The following TLX3 variants were observed in gnomAD, a reference collection of about 807,000 sequenced individuals.
TLX3 encodes T cell leukemia homeobox 3.
A neutral mutation model predicts 19.6 loss-of-function variants in TLX3; 11 were observed. That is an observed-to-expected ratio of 0.56 (90% confidence interval 0.35 to 0.93). The LOEUF (loss-of-function observed/expected upper bound fraction) is 0.93. Ranked by LOEUF, TLX3 falls within the 40% of genes least tolerant of loss-of-function variation. The pLI is 0.01. For synonymous variants in TLX3, 221 were observed against 188.1 expected, an observed-to-expected ratio of 1.17 and a Z score of -1.43; for missense variants, 375 against 418.6, an observed-to-expected ratio of 0.90 and a Z score of 0.91.
chr5:171,309,977 G>A (rs1769193233), intron 1 of TLX3, among the ~76,000 whole-genome samples, 173 bp from the exon 2 acceptor site: 1 of 152,264 alleles, frequency 6.6e-6, no homozygotes, highest in South Asian at 2.1e-4. Context: ...CGTGCCCGGG[G>A]GAAGGGACAG....
chr5:171,311,524 A>C lies in TLX3; in HGVS notation c.801A>C (p.Ser267=). 1 of 1,613,050 alleles carries C rather than the reference A, an allele frequency of 6.2e-7. No individual in the cohort carries two copies. The highest frequency in any genetic ancestry group is 8.5e-7 in the Non-Finnish European group (1 of 1,179,624). ...ACCCGCTCTGTCTGCACAACTCGTC[A>C]CTCTTTGCTCTGCAGAATCTGCAGC... ...QPDPLCLHNS[S]LFALQNLQPW... The change falls in exon 3 of 3, where the codon TCA becomes TCC. Residue 267 remains serine (S), a synonymous_variant. Coordinates refer to ENST00000296921, the MANE Select transcript of TLX3 (RefSeq NM_021025.4). The surrounding 1 kb of genome is among the most constrained non-coding windows in gnomAD (Gnocchi z 5.1).
At position 171,311,513 on chromosome 5, in the gene TLX3, C is replaced by G; in HGVS notation, c.790C>G (p.His264Asp). 6.2e-7 allele frequency: 1 copy of G among 1,613,486 alleles called. No individual in the cohort carries two copies. The highest frequency in any genetic ancestry group is 1.7e-5 in the Admixed American group (1 of 60,000). The change falls in exon 3 of 3, where the codon CAC (histidine) becomes GAC (aspartate). Residue 264 changes from histidine (H) to aspartate (D), a missense_variant. Physicochemically the swap from His to Asp is moderately conservative, Grantham distance 81 (BLOSUM62 -1). Transcript: ENST00000296921. This position sits in a 1 kb window ranked among gnomAD's most constrained non-coding sequence, Gnocchi z 5.1. ...CATCCAGCCTGACCCGCTCTGTCTGCACAACTCGTCACTCTTTGCTCTGCA... is the reference window on the plus strand; with the variant it reads ...CATCCAGCCTGACCCGCTCTGTCTGGACAACTCGTCACTCTTTGCTCTGCA... ...DSIQPDPLCL[H>D]NSSLFALQNL...
Position 171,309,597 on chromosome 5 carries a change from G to A in TLX3, c.232G>A (p.Val78Met). 6.2e-7 allele frequency: 1 copy of A among 1,605,438 alleles called. No homozygotes were observed. Among genetic ancestry groups the A allele is most frequent in the Non-Finnish European group, 8.5e-7 (1 of 1,176,958 alleles). The change falls in exon 1 of 3, where the codon GTG (valine) becomes ATG (methionine). Residue 78 changes from valine to methionine, a missense_variant. Around this residue, in one of 3 missense-constraint regions of TLX3, gnomAD observed 239 missense variants for 217.0 expected, o/e 1.10. Coordinates refer to ENST00000296921, the MANE Select transcript of TLX3 (RefSeq NM_021025.4). ...APFEDAGSYS[V>M]NLSLAPAGVI... ...CTTCGAGGACGCGGGATCTTACAGTGTGAACCTGAGCCTAGCGCCCGCAGG... is the reference window on the plus strand; with the variant it reads ...CTTCGAGGACGCGGGATCTTACAGTATGAACCTGAGCCTAGCGCCCGCAGG...
At chr5:171,310,531 C>A in intron 2 of TLX3, 138 bp downstream of exon 2, 6 of 1,111,882 alleles carry the variant, frequency 5.4e-6, no homozygotes, top group Middle Eastern at 3.1e-4. Context: ...CACCCCCACC[C>A]CGCCTTCGCA....
At chr5:171,309,855 G>A (rs780706447) in intron 1 of TLX3, 69 bp downstream of exon 1, 8 of 1,471,652 alleles carry the variant, frequency 5.4e-6, no homozygotes, top group South Asian at 2.8e-5. Flanking sequence ...CGCCCTGTGC[G>A]CTCCACTCCC....
chr5:171,309,400 C>G lies in TLX3; in HGVS notation c.35C>G (p.Pro12Arg). ...CCCGCCAGCGCGCAGACCCCGCACC[C>G]GCACGAGCCCATCAGCTTCGGCATC... ...EAPASAQTPH[P>R]HEPISFGIDQ... The change falls in exon 1 of 3, where the codon CCG becomes CGG. Residue 12 changes from proline to arginine, a missense_variant. Transcript: ENST00000296921. 1 of 1,605,426 alleles carries G rather than the reference C, an allele frequency of 6.2e-7. No individual in the cohort carries two copies. The highest frequency in any genetic ancestry group is 8.5e-7 in the Non-Finnish European group (1 of 1,176,956).
Position 171,309,638 on chromosome 5 carries a change from G to C in TLX3, c.273G>C (p.Pro91=). ...CGCCCGCAGGCGTGATCCGGGTGCC[G>C]GCGCACAGGCCGCTGCCCGGGGCCG... ...SLAPAGVIRV[P]AHRPLPGAVP... Residue 91 remains proline, a synonymous_variant, in exon 1 of 3, where the codon CCG becomes CCC. Transcript: ENST00000296921. 2 of 1,607,960 alleles carry C rather than the reference G, an allele frequency of 1.2e-6. No homozygotes were observed. Among genetic ancestry groups the C allele is most frequent in the African/African-American group, 1.3e-5 (1 of 74,908 alleles).
At chr5:171,310,500 C>A in intron 2 of TLX3, 107 bp downstream of exon 2, 2 of 1,383,310 alleles carry the variant, frequency 1.4e-6, no homozygotes, top group South Asian at 2.9e-5. Flanking sequence ...TACCCCCGCC[C>A]CCCTCTGCCT....
rs1352503916 is a variant in TLX3, at chr5:171,309,437, T to C, written c.72T>C (p.Leu24=). ...TCAGCTTCGGCATCGACCAGATCCT[T>C]AACAGCCCGGACCAGGACAGCGCAC... is the stretch of plus-strand genomic sequence containing the variant. The part of the protein sequence containing the change: ...EPISFGIDQI[L]NSPDQDSAPA... Residue 24 remains leucine (L), a synonymous_variant, in exon 1 of 3, where the codon CTT becomes CTC. Transcript: ENST00000296921. 4 of 1,606,538 alleles carry C rather than the reference T, an allele frequency of 2.5e-6. No homozygotes were observed. Among genetic ancestry groups the C allele is most frequent in the Non-Finnish European group, 3.4e-6 (4 of 1,177,086 alleles).
chr5:171,310,514 C>G, intron 2 of TLX3, 121 bp downstream of exon 2: 2 of 1,253,752 alleles, frequency 1.6e-6, no homozygotes, highest in Non-Finnish European at 2.2e-6. Flanking sequence ...TCTGCCTCCC[C>G]CAAACACACC....
rs377238140 is a variant in TLX3, at chr5:171,309,800, G to A, written c.421+14G>A. ...ACCGCTTCACAGGTGAGCAGAGCTG[G>A]CGACCAGGCTCCAGGCCTCCGCCCT... On this transcript the variant is annotated intron_variant, in intron 1 of 2. Coordinates refer to ENST00000296921, the MANE Select transcript of TLX3 (RefSeq NM_021025.4). The A allele has an allele frequency of 6.3e-7, 1 of 1,575,438 alleles. No individual in the cohort carries two copies. The highest frequency in any genetic ancestry group is 8.6e-7 in the Non-Finnish European group (1 of 1,160,598).
rs755762572 is a variant in TLX3, at chr5:171,311,440, C to T, written c.717C>T (p.Leu239=). 4.4e-5 allele frequency: 69 copies of T among 1,583,388 alleles called. No individual in the cohort carries two copies. Among genetic ancestry groups the T allele is most frequent in the South Asian group, 6.9e-5 (6 of 86,942 alleles). ...REAERQQASR[L]MLQLQHDAFQ... is the part of the protein sequence containing the mutation. ...CGGAGCGGCAGCAGGCGAGCCGGCT[C>T]ATGCTGCAGCTGCAACACGACGCCT... is the stretch of plus-strand genomic sequence containing the variant. The change falls in exon 3 of 3, where the codon CTC becomes CTT. Residue 239 remains leucine, a synonymous_variant. Transcript: ENST00000296921. This position sits in a 1 kb window ranked among gnomAD's most constrained non-coding sequence, Gnocchi z 5.1.
In TLX3 at chr5:171,311,368, C is replaced by G; in HGVS notation, c.666-21C>G. ...GTGCCGGGTGCATGACGGTACTGTCCCTCTCCCTCCCCCGGTGCAGGCGGC... is the reference window on the plus strand; with the variant it reads ...GTGCCGGGTGCATGACGGTACTGTCGCTCTCCCTCCCCCGGTGCAGGCGGC... On this transcript the variant is annotated intron_variant, in intron 2 of 2. Coordinates refer to ENST00000296921, the MANE Select transcript of TLX3 (RefSeq NM_021025.4). This position sits in a 1 kb window ranked among gnomAD's most constrained non-coding sequence, Gnocchi z 5.1. The G allele has an allele frequency of 1.3e-6, 2 of 1,547,394 alleles. No individual in the cohort carries two copies. Among genetic ancestry groups the G allele is most frequent in the Non-Finnish European group, 1.7e-6 (2 of 1,146,066 alleles).
rs879609415 is a variant in TLX3, at chr5:171,312,071, CTCT to C, written c.*480_*482del. 30 of 187,086 alleles carry C rather than the reference CTCT, an allele frequency of 1.6e-4. 1 individual carries two copies. Among genetic ancestry groups the C allele is most frequent in the South Asian group, 1.6e-3 (8 of 5,114 alleles). 11.6% of individuals were successfully genotyped at this position (187,086 alleles called of 1,614,324 possible). On this transcript the variant is annotated 3_prime_UTR_variant, in exon 3 of 3. Coordinates refer to ENST00000296921, the MANE Select transcript of TLX3 (RefSeq NM_021025.4). ...GCACCCTGCGTTTAGGCTGGGTCCA[CTCT>C]TCTTCTTTTCCGTTCCTTTTATTTA...
chr5:171,310,493 C>T (rs1307084825), intron 2 of TLX3, 100 bp downstream of exon 2: 1 of 1,423,684 alleles, frequency 7.0e-7, no homozygotes, highest in Non-Finnish European at 9.4e-7. Context: ...TATCCACTAC[C>T]CCCGCCCCCC....
Position 171,311,615 on chromosome 5 carries a change from C to T in TLX3, c.*16C>T. On this transcript the variant is annotated 3_prime_UTR_variant, in exon 3 of 3. Coordinates refer to ENST00000296921, the MANE Select transcript of TLX3 (RefSeq NM_021025.4). The surrounding 1 kb of genome is among the most constrained non-coding windows in gnomAD (Gnocchi z 5.1). ...CCTGGTGTGAGCCCACCAGCGCGCACCGTCGCCACGGATCGCCGCCCCCAC... is the reference window on the plus strand; with the variant it reads ...CCTGGTGTGAGCCCACCAGCGCGCATCGTCGCCACGGATCGCCGCCCCCAC... The T allele has an allele frequency of 1.3e-6, 2 of 1,586,922 alleles. No individual in the cohort carries two copies. The highest frequency in any genetic ancestry group is 2.7e-5 in the African/African-American group (2 of 73,276).
chr5:171,309,557 G>A lies in TLX3; in HGVS notation c.192G>A (p.Ala64=). ...ATYPSLPASF[A]GLGAPFEDAG... ...ACCCGTCTCTGCCCGCCTCCTTTGC[G>A]GGCCTCGGCGCGCCCTTCGAGGACG... Residue 64 remains alanine, a synonymous_variant, in exon 1 of 3, where the codon GCG becomes GCA. Transcript: ENST00000296921. 8.9e-6 allele frequency: 14 copies of A among 1,580,986 alleles called. No homozygotes were observed. The highest frequency in any genetic ancestry group is 1.2e-5 in the Non-Finnish European group (14 of 1,165,000).
In TLX3 at chr5:171,309,506, C is replaced by T; in HGVS notation, c.141C>T (p.Pro47=). 1.9e-6 allele frequency: 3 copies of T among 1,570,492 alleles called. No homozygotes were observed. The highest frequency in any genetic ancestry group is 2.4e-5 in the East Asian group (1 of 42,258). ...GPDGASYLGG[P]PGGRPGATYP... ...ACGGCGCCAGCTACCTGGGAGGGCC[C>T]CCCGGGGGCCGTCCGGGCGCCACAT... is the stretch of plus-strand genomic sequence containing the variant. Residue 47 remains proline (P), a synonymous_variant, in exon 1 of 3, where the codon CCC becomes CCT. Transcript: ENST00000296921.
At position 171,310,021 on chromosome 5, in the gene TLX3, T is replaced by A. The variant is rs2914335; in HGVS notation, c.422-129T>A. The stretch of plus-strand genomic sequence containing the variant: ...GGGGTCTCCCGACCGGCTTGGTGTC[T>A]CTGGAAACGCGCGCGACCAGCGAAA... On this transcript the variant is annotated intron_variant, in intron 1 of 2. Coordinates refer to ENST00000296921, the MANE Select transcript of TLX3 (RefSeq NM_021025.4). 6 of 1,415,606 alleles carry A rather than the reference T, an allele frequency of 4.2e-6. No homozygotes were observed. In the African/African-American group the frequency reaches 4.3e-5, roughly 10 times the overall value. 87.7% of individuals were successfully genotyped at this position (1,415,606 alleles called of 1,614,324 possible).
Sources: allele counts gnomAD v4.1 joint callset (sites outside exome capture counted in the v4.1 genomes callset), GRCh38; gene constraint gnomAD v4.1.1; regional missense constraint gnomAD v4.1.1; non-coding constraint Gnocchi (gnomAD v3.1); transcripts MANE v1.5; gene names NCBI Gene and HGNC (gene_info 2026-07-23, HGNC 2026-07-21).